CAMTA1: variants seen among roughly 807,000 people sequenced by gnomAD.
CAMTA1 encodes calmodulin-binding transcription activator 1.
In CAMTA1, 27 loss-of-function variants were observed where a neutral mutation model predicts 170.9. That is an observed-to-expected ratio of 0.16 (90% CI 0.12 to 0.22). CAMTA1 has a LOEUF of 0.22. Among genes scored for constraint, CAMTA1 ranks in the 10% least tolerant of loss-of-function variants. The pLI, the probability that CAMTA1 is intolerant of heterozygous loss-of-function variation, is 1.00. For synonymous variants in CAMTA1, 833 were observed against 891.5 expected, an observed-to-expected ratio of 0.93 and a Z score of 1.17; for missense variants, 1,619 against 2,217.2, an observed-to-expected ratio of 0.73 and a Z score of 5.42.
chr1:7,281,800 TGTGTGTG>T (rs1269735532), intron 5 of CAMTA1, among the ~76,000 whole-genome samples: 1 of 7,066 alleles, frequency 1.4e-4, no homozygotes, highest in African/African-American at 3.4e-4. Flanking sequence ...GGAAAGAAAT[TGTGTGTG>T]TGTGTGTGTG....
At chr1:7,068,757 C>T (rs745565024) in intron 3 of CAMTA1, among the ~76,000 whole-genome samples, 2 of 152,166 alleles carry the variant, frequency 1.3e-5, no homozygotes, top group African/African-American at 4.8e-5. Flanking sequence ...GCCAGCCACT[C>T]GAAAGGCTGC....
chr1:7,289,164 C>T (rs752296317), intron 5 of CAMTA1, among the ~76,000 whole-genome samples: 5 of 152,074 alleles, frequency 3.3e-5, no homozygotes, highest in East Asian at 1.9e-4. Context: ...GGAGGAAATC[C>T]GCCCCCATGA....
intron 5 of CAMTA1, among the ~76,000 whole-genome samples, chr1:7,447,433 G>A (rs1410425176): frequency 6.6e-6 from 1 of 151,230 alleles, no homozygotes; most frequent in South Asian, 2.1e-4. Context: ...GCGGGGTGGG[G>A]GGTGAGGGGG....
intron 5 of CAMTA1, among the ~76,000 whole-genome samples, chr1:7,432,502 A>C (rs1040242298): frequency 1.3e-5 from 2 of 152,200 alleles, no homozygotes; most frequent in African/African-American, 4.8e-5. Flanking sequence ...AGCAGAAGAC[A>C]AGTGAGAGGT....
intron 5 of CAMTA1, among the ~76,000 whole-genome samples, chr1:7,268,264 GA>G (rs200795340): frequency 4.8e-5 from 1 of 20,932 alleles, no homozygotes; most frequent in Non-Finnish European, 8.5e-5. Context: ...GTACAGAGGA[GA>G]AGGGGGGGTC....
intron 7 of CAMTA1, among the ~76,000 whole-genome samples, chr1:7,643,304 C>G (rs1006895521): frequency 1.3e-5 from 2 of 152,298 alleles, no homozygotes; most frequent in East Asian, 3.9e-4. Flanking sequence ...TCCATATGGC[C>G]GGGGAGCAGC....
At chr1:7,295,990 A>G (rs1673878250) in intron 5 of CAMTA1, among the ~76,000 whole-genome samples, 1 of 152,190 alleles carries the variant, frequency 6.6e-6, no homozygotes, top group Non-Finnish European at 1.5e-5. Flanking sequence ...GGTCATTGCA[A>G]GGTTCAACTG....
chr1:7,643,460 G>A (rs80246481), intron 7 of CAMTA1, among the ~76,000 whole-genome samples: 10 of 152,268 alleles, frequency 6.6e-5, no homozygotes, highest in East Asian at 1.9e-4. Flanking sequence ...AATTCTTCTC[G>A]ACACACACAG....
chr1:6,802,892 A>G lies in CAMTA1; in HGVS notation c.46-17289A>G, dbSNP rs77766943. On this transcript the variant is annotated intron_variant, in intron 1 of 22. Transcript: ENST00000303635. ...GGACTTAGCTGGAAAACACAGGCAT[A>G]TGCCACAACGCCCGGCTGATTTTTA... 3.8e-3 allele frequency among the ~76,000 whole-genome samples: 581 copies of G among 152,236 alleles called. 5 individuals are homozygous for G. Among genetic ancestry groups the G allele is most frequent in the African/African-American group, 0.013 (541 of 41,540 alleles).
chr1:7,754,611 T>C (rs1306970279), intron 21 of CAMTA1, among the ~76,000 whole-genome samples: 1 of 152,248 alleles, frequency 6.6e-6, no homozygotes, highest in African/African-American at 2.4e-5. Flanking sequence ...GAAAATTTCA[T>C]GAAGATTTTT....
chr1:7,127,440 G>A (rs1299878549), intron 4 of CAMTA1, among the ~76,000 whole-genome samples: 1 of 151,794 alleles, frequency 6.6e-6, no homozygotes, highest in East Asian at 1.9e-4. Flanking sequence ...TTACAATCCT[G>A]ACTTTCTTCA....
intron 11 of CAMTA1, among the ~76,000 whole-genome samples, chr1:7,714,544 CAG>C (rs1265155874): frequency 4.0e-5 from 6 of 151,076 alleles, no homozygotes; most frequent in Non-Finnish European, 7.4e-5. Flanking sequence ...TTTTTGGAGA[CAG>C]AGTCTTGCCT....
intron 3 of CAMTA1, among the ~76,000 whole-genome samples, chr1:6,861,117 G>A (rs964162751): frequency 2.0e-5 from 3 of 151,826 alleles, no homozygotes; most frequent in South Asian, 2.1e-4. Flanking sequence ...CACCACGCCC[G>A]GCTAATTTTT....
chr1:7,152,422 C>G (rs749036935), intron 4 of CAMTA1, among the ~76,000 whole-genome samples: 1 of 152,148 alleles, frequency 6.6e-6, no homozygotes, highest in Non-Finnish European at 1.5e-5. Context: ...CCTTGGGCTC[C>G]CCCTCCAGCT....
At chr1:7,684,121 C>A (rs779422388) in intron 11 of CAMTA1, among the ~76,000 whole-genome samples, 10 of 152,158 alleles carry the variant, frequency 6.6e-5, no homozygotes, top group African/African-American at 1.4e-4. Flanking sequence ...TGGTGCCCTG[C>A]GGAGAAATGG....
At chr1:7,388,907 G>C (rs1018886231) in intron 5 of CAMTA1, among the ~76,000 whole-genome samples, 2 of 152,234 alleles carry the variant, frequency 1.3e-5, no homozygotes, top group African/African-American at 2.4e-5. Context: ...ATGCACTGCT[G>C]TGTCTGCCTG....
chr1:7,760,146 T>A (rs2096963605), intron 22 of CAMTA1, among the ~76,000 whole-genome samples: 1 of 152,220 alleles, frequency 6.6e-6, no homozygotes, highest in Non-Finnish European at 1.5e-5. Flanking sequence ...AACAAAACCT[T>A]AATTGGAGGA....
chr1:7,622,705 T>G (rs1198868979), intron 6 of CAMTA1, among the ~76,000 whole-genome samples: 1 of 152,242 alleles, frequency 6.6e-6, no homozygotes, highest in Non-Finnish European at 1.5e-5. Flanking sequence ...CTGTTCCATG[T>G]GGAGGCTTAT....
At chr1:7,104,400 G>T (rs1643375023) in intron 4 of CAMTA1, among the ~76,000 whole-genome samples, 1 of 151,254 alleles carries the variant, frequency 6.6e-6, no homozygotes. Context: ...ACAGCTTCCT[G>T]TGTTGGTCAC....
Sources: gnomAD v4.1 joint callset for allele counts (sites outside exome capture counted in the v4.1 genomes callset) on GRCh38, gnomAD v4.1.1 for gene constraint, MANE v1.5 for transcripts, NCBI Gene and HGNC (gene_info 2026-07-23, HGNC 2026-07-21) for gene names.